MED1: variants seen among roughly 807,000 people sequenced by gnomAD.
MED1 encodes mediator complex subunit 1, also known as mediator of RNA polymerase II transcription subunit 1.
Under a neutral mutation model 121.3 loss-of-function variants are expected in MED1, and 17 were observed. The observed-to-expected ratio is 0.14, with a 90% CI of 0.10 to 0.21. MED1 has a LOEUF of 0.21. MED1 is among the 10% of genes least tolerant of loss of function. The pLI is 1.00. For synonymous variants in MED1, 661 were observed against 694.4 expected (o/e 0.95, Z 0.76); for missense variants, 1,558 against 1,919.4 (o/e 0.81, Z 3.52).
intron 2 of MED1, 87 bp downstream of exon 2, chr17:39,447,711 A>G (rs1181095432): frequency 3.3e-6 from 3 of 914,870 alleles, no homozygotes; most frequent in Non-Finnish European, 5.2e-6. Flanking sequence ...TTATGAAGAT[A>G]GTATGAACAC....
chr17:39,437,547 C>T (rs2048631735), intron 6 of MED1, among the ~76,000 whole-genome samples: 1 of 151,990 alleles, frequency 6.6e-6, no homozygotes, highest in Non-Finnish European at 1.5e-5. Flanking sequence ...AAGAATTTTC[C>T]AATCCAAATT....
In MED1 at chr17:39,407,911, C is replaced by T; in HGVS notation, c.4310G>A (p.Ser1437Asn). The T allele has an allele frequency of 6.2e-7, 1 of 1,614,128 alleles. No individual in the cohort carries two copies. The highest frequency in any genetic ancestry group is 8.5e-7 in the Non-Finnish European group (1 of 1,180,044). ...SSKNYGSPLI[S>N]GSTPKHERGS... ...ACGCTCATGCTTTGGAGTGGAACCA[C>T]TGATGAGTGGAGAGCCATAGTTTTT... is the stretch of plus-strand genomic sequence containing the variant. The change falls in exon 17 of 17, where the codon AGT (serine) becomes AAT (asparagine). Residue 1437 changes from serine to asparagine, a missense_variant. Physicochemically the swap from Ser to Asn is conservative, Grantham distance 46. This residue lies in a region of MED1 where 264 missense variants were observed against 326.1 expected (regional missense o/e 0.81). Transcript: ENST00000300651.
chr17:39,415,753 G>T (rs971766475), intron 14 of MED1, among the ~76,000 whole-genome samples: 48 of 148,642 alleles, frequency 3.2e-4, no homozygotes, highest in East Asian at 2.0e-4. Context: ...GGAGGCGGAG[G>T]TTGTAGTGAG....
At chr17:39,447,174 T>C (rs2048735764) in intron 2 of MED1, among the ~76,000 whole-genome samples, 1 of 152,112 alleles carries the variant, frequency 6.6e-6, no homozygotes, top group Admixed American at 6.6e-5. Context: ...GTGGATCACC[T>C]GAGGTCTGGA....
chr17:39,451,004 G>A (rs2048777138), intron 1 of MED1, 34 bp downstream of exon 1: 3 of 1,596,024 alleles, frequency 1.9e-6, no homozygotes, highest in Non-Finnish European at 2.6e-6. Context: ...CCCCAGTTGT[G>A]TCCCGCCCCC....
intron 11 of MED1, among the ~76,000 whole-genome samples, chr17:39,424,388 C>T (rs2048494711): frequency 6.6e-6 from 1 of 152,160 alleles, no homozygotes; most frequent in Admixed American, 6.6e-5. Flanking sequence ...AGGGGGCACT[C>T]ATTAAGCCAG....
intron 10 of MED1, among the ~76,000 whole-genome samples, chr17:39,426,467 A>T (rs1179655664): frequency 1.3e-5 from 2 of 152,094 alleles, no homozygotes; most frequent in Non-Finnish European, 2.9e-5. Context: ...ATAAACAAAC[A>T]AACAAACAAA....
At chr17:39,415,215 G>A (rs1353105119) in intron 15 of MED1, 29 bp downstream of exon 15, 2 of 1,608,206 alleles carry the variant, frequency 1.2e-6, no homozygotes, top group Non-Finnish European at 1.7e-6. Context: ...ACCGCTCCAT[G>A]AGAGGTGTTA....
chr17:39,442,523 G>A (rs763938311), intron 3 of MED1, among the ~76,000 whole-genome samples: 11 of 148,710 alleles, frequency 7.4e-5, no homozygotes, highest in Non-Finnish European at 4.4e-5. Flanking sequence ...CTTGAACCCA[G>A]GAGGTGGAGG....
chr17:39,447,934 T>C, intron 1 of MED1, 30 bp from the exon 2 acceptor site: 1 of 1,440,302 alleles, frequency 6.9e-7, no homozygotes, highest in Admixed American at 1.7e-5. Context: ...ACGTTATCAG[T>C]AACTGTTCTA....
intron 2 of MED1, among the ~76,000 whole-genome samples, chr17:39,444,457 A>C (rs2048707370): frequency 6.6e-6 from 1 of 150,830 alleles, no homozygotes; most frequent in Non-Finnish European, 1.5e-5. Context: ...CAGTGAGCCG[A>C]GATCACACCA....
intron 13 of MED1, among the ~76,000 whole-genome samples, chr17:39,422,258 G>C (rs2048472246): frequency 6.6e-6 from 1 of 151,424 alleles, no homozygotes; most frequent in South Asian, 2.1e-4. Context: ...TCGTCTCCCG[G>C]GTTCAAGCAA....
chr17:39,451,181 C>T lies in MED1; in HGVS notation c.-119G>A. Reference sequence around the variant, plus strand: ...CAGGGCACCAGCAGTCCCTACTCTTCCCGGGAAGGATCAATCTGAAGTCCC... The same window carrying T: ...CAGGGCACCAGCAGTCCCTACTCTTTCCGGGAAGGATCAATCTGAAGTCCC... On this transcript the variant is annotated 5_prime_UTR_variant, in exon 1 of 17. Transcript: ENST00000300651. 3 of 1,153,054 alleles carry T rather than the reference C, an allele frequency of 2.6e-6. No homozygotes were observed. Among genetic ancestry groups the T allele is most frequent in the Non-Finnish European group, 3.8e-6 (3 of 788,930 alleles). The allele number at this position is 1,153,054 out of a possible 1,614,324, so 71.4% of individuals were successfully genotyped here.
Position 39,405,203 on chromosome 17 carries a change from C to CG in MED1, c.*2271dup. 6.4e-7 allele frequency: 1 copy of CG among 1,556,110 alleles called. No homozygotes were observed. Among genetic ancestry groups the CG allele is most frequent in the African/African-American group, 1.4e-5 (1 of 73,780 alleles). On this transcript the variant is annotated 3_prime_UTR_variant, in exon 17 of 17. Transcript: ENST00000300651. ...CAGGCAGGGTGAAGCAGTTTAGCCC[C>CG]GGCTCCCTGTTAAGCAAGTTCAGAT... is the stretch of plus-strand genomic sequence containing the variant.
In MED1 at chr17:39,419,679, T is replaced by G. The variant is rs545198200; in HGVS notation, c.1297+38A>C. 8.5e-5 allele frequency: 133 copies of G among 1,562,050 alleles called. 1 individual carries two copies. The highest frequency in any genetic ancestry group is 6.7e-4 in the Middle Eastern group (4 of 5,932). ...TAAAGAACCACTGGAGAAGTAAGTT[T>G]CCATCTTCCAGTAAGCATATCAAAG... On this transcript the variant is annotated intron_variant, in intron 14 of 16. Transcript: ENST00000300651.
rs55829399 is a variant in MED1 at position 39,414,634 on chromosome 17, CTTTTTTTTTT to C, written c.1499+382_1499+391del. Among the ~76,000 whole-genome samples, 331 of 61,556 alleles carry C rather than the reference CTTTTTTTTTT, an allele frequency of 5.4e-3. 71 individuals carry two copies. The highest frequency in any genetic ancestry group is 0.017 in the East Asian group (28 of 1,666). 40.4% of individuals were successfully genotyped at this position (61,556 alleles called of 152,430 possible). A position where few individuals can be genotyped will look rare whatever the true frequency, so the allele number is the denominator to read the frequency against. Reference sequence around the variant, plus strand: ...ACAGGCGTGAGCCACCAGGCCCGGCCTTTTTTTTTTTTTTTTTTTTTTTTTTTTTTTTTTT... The same window carrying C: ...ACAGGCGTGAGCCACCAGGCCCGGCCTTTTTTTTTTTTTTTTTTTTTTTTT... On this transcript the variant is annotated intron_variant, in intron 16 of 16. Coordinates refer to ENST00000300651, the MANE Select transcript of MED1 (RefSeq NM_004774.4).
In MED1 at chr17:39,407,885, C is replaced by G; in HGVS notation, c.4336G>C (p.Gly1446Arg). The G allele has an allele frequency of 6.2e-7, 1 of 1,614,090 alleles. No homozygotes were observed. Among genetic ancestry groups the G allele is most frequent in the Non-Finnish European group, 8.5e-7 (1 of 1,180,028 alleles). Residue 1446 changes from glycine to arginine, a missense_variant, in exon 17 of 17, where the codon GGC (glycine) becomes CGC (arginine). Physicochemically the swap from Gly to Arg is moderately radical, Grantham distance 125 (BLOSUM62 -2). Transcript: ENST00000300651. ...ISGSTPKHER[G>R]SPSHSKSPAY... ...GGTGACTTACTATGGCTGGGAGAGC[C>G]ACGCTCATGCTTTGGAGTGGAACCA...
At chr17:39,428,071 C>T (rs186191964) in intron 9 of MED1, among the ~76,000 whole-genome samples, 2 of 152,036 alleles carry the variant, frequency 1.3e-5, no homozygotes, top group East Asian at 2.0e-4. Flanking sequence ...AATAATAGGC[C>T]GGGCGCGATG....
At chr17:39,414,252 T>G (rs944458176) in intron 16 of MED1, among the ~76,000 whole-genome samples, 13 of 151,972 alleles carry the variant, frequency 8.6e-5, no homozygotes, top group African/African-American at 3.1e-4. Context: ...TTAGATTACT[T>G]TGAATCCGAA....
Sources: gnomAD v4.1 joint callset for allele counts (sites outside exome capture counted in the v4.1 genomes callset) on GRCh38, gnomAD v4.1.1 for gene constraint, gnomAD v4.1.1 regional missense constraint, MANE v1.5 for transcripts, NCBI Gene and HGNC (gene_info 2026-07-23, HGNC 2026-07-21) for gene names.